CASZ1: variants seen among roughly 807,000 people sequenced by gnomAD.
CASZ1 encodes zinc finger protein castor homolog 1.
Under a neutral mutation model 135.2 loss-of-function variants are expected in CASZ1, and 28 were observed. The ratio of observed to expected loss-of-function variants is 0.21; its 90% CI spans 0.15 to 0.28. The LOEUF is 0.28. Ranked by LOEUF, CASZ1 falls within the 10% of genes least tolerant of loss-of-function variation. CASZ1 has a pLI of 1.00. For synonymous variants in CASZ1, 1,068 were observed against 1,073.4 expected (o/e 0.99, Z 0.10); for missense variants, 2,161 against 2,453.3 (o/e 0.88, Z 2.52).
At chr1:10,691,910 C>G (rs1207252237) in intron 4 of CASZ1, among the ~76,000 whole-genome samples, 1 of 152,236 alleles carries the variant, frequency 6.6e-6, no homozygotes, top group African/African-American at 2.4e-5. Flanking sequence ...CCACCCTGGG[C>G]CTCCCCTCTG....
rs961449106 is a variant in CASZ1, at chr1:10,697,124, A to G, written c.-23-3212T>C. On this transcript the variant is annotated intron_variant, in intron 3 of 20. Transcript: ENST00000377022. This position sits in a 1 kb window ranked among gnomAD's most constrained non-coding sequence, Gnocchi z 4.7. Reference sequence around the variant, plus strand: ...GTGGAGGAGCAGCGGTCAGAGAAGCAAGAAACAGGCCAACTCGGAGCGCAA... The same window carrying G: ...GTGGAGGAGCAGCGGTCAGAGAAGCGAGAAACAGGCCAACTCGGAGCGCAA... Among the ~76,000 whole-genome samples the G allele has an allele frequency of 6.6e-6, 1 of 152,224 alleles. No homozygotes were observed. Among genetic ancestry groups the G allele is most frequent in the African/African-American group, 2.4e-5 (1 of 41,464 alleles).
At chr1:10,675,486 A>G (rs1343094736) in intron 4 of CASZ1, among the ~76,000 whole-genome samples, 1 of 152,078 alleles carries the variant, frequency 6.6e-6, no homozygotes, top group Non-Finnish European at 1.5e-5. Flanking sequence ...GGAGGCTTCA[A>G]GAGGGGTGAG....
In CASZ1 at chr1:10,707,909, A is replaced by C. The variant is rs1229164044; in HGVS notation, c.-76-2365T>G. ...ACAGTACTGGGAAGACCCAGAGGAC[A>C]GCAGGGGCCCTACACTCAGCGGGGC... On this transcript the variant is annotated intron_variant, in intron 2 of 20. Coordinates refer to ENST00000377022, the MANE Select transcript of CASZ1 (RefSeq NM_001079843.3). The surrounding 1 kb of genome is among the most constrained non-coding windows in gnomAD (Gnocchi z 5.0). Among the ~76,000 whole-genome samples the C allele has an allele frequency of 1.3e-5, 2 of 152,166 alleles. No homozygotes were observed. The highest frequency in any genetic ancestry group is 2.9e-5 in the Non-Finnish European group (2 of 68,036).
chr1:10,713,556 AC>A (rs1391561262), intron 2 of CASZ1, among the ~76,000 whole-genome samples: 1 of 152,034 alleles, frequency 6.6e-6, no homozygotes, highest in Non-Finnish European at 1.5e-5. Flanking sequence ...TAGTCCTCTA[AC>A]CCCCTCTCTG....
At chr1:10,671,766 G>A (rs933644443) in intron 4 of CASZ1, among the ~76,000 whole-genome samples, 1 of 152,238 alleles carries the variant, frequency 6.6e-6, no homozygotes, top group Non-Finnish European at 1.5e-5. Context: ...CTATGCCCGA[G>A]GCTGGCACAC....
intron 2 of CASZ1, among the ~76,000 whole-genome samples, chr1:10,722,500 G>A (rs1005529735): frequency 1.5e-4 from 23 of 152,208 alleles, no homozygotes; most frequent in Non-Finnish European, 2.9e-5. Context: ...ATTCAAGCTC[G>A]AACATTCTGG....
chr1:10,692,830 G>C (rs1210176261), intron 4 of CASZ1, among the ~76,000 whole-genome samples: 1 of 152,148 alleles, frequency 6.6e-6, no homozygotes, highest in Non-Finnish European at 1.5e-5. Flanking sequence ...AAACAACAAC[G>C]CTAACAGCCA....
At chr1:10,772,633 C>T (rs1640595955) in intron 1 of CASZ1, among the ~76,000 whole-genome samples, 1 of 152,134 alleles carries the variant, frequency 6.6e-6, no homozygotes, top group Admixed American at 6.5e-5. Context: ...CCTGTGACCC[C>T]AGAAGCTCGG....
chr1:10,691,627 G>T (rs765415754), intron 4 of CASZ1, among the ~76,000 whole-genome samples: 4 of 152,196 alleles, frequency 2.6e-5, no homozygotes, highest in Non-Finnish European at 4.4e-5. Context: ...CACGAGCCCC[G>T]GCCAGAGACG....
rs1329009108 is a variant in CASZ1, at chr1:10,709,916, C to T, written c.-76-4372G>A. Among the ~76,000 whole-genome samples the T allele has an allele frequency of 1.3e-5, 2 of 152,156 alleles. No individual in the cohort carries two copies. The highest frequency in any genetic ancestry group is 4.8e-5 in the African/African-American group (2 of 41,436). The stretch of plus-strand genomic sequence containing the variant: ...AGAGGCCTCGGGAAAGGAGCCTGGG[C>T]CCCGGACCAGGGAGGGGCGGTGGGG... On this transcript the variant is annotated intron_variant, in intron 2 of 20. Coordinates refer to ENST00000377022, the MANE Select transcript of CASZ1 (RefSeq NM_001079843.3). This position sits in a 1 kb window ranked among gnomAD's most constrained non-coding sequence, Gnocchi z 5.1.
At chr1:10,743,413 A>G (rs1639966718) in intron 2 of CASZ1, among the ~76,000 whole-genome samples, 1 of 133,190 alleles carries the variant, frequency 7.5e-6, no homozygotes, top group Admixed American at 7.6e-5. Context: ...AGGGCTCAGA[A>G]TGAAGGAGAG....
intron 9 of CASZ1, among the ~76,000 whole-genome samples, chr1:10,654,813 C>G (rs978858553): frequency 6.6e-6 from 1 of 152,260 alleles, no homozygotes; most frequent in Non-Finnish European, 1.5e-5. Flanking sequence ...CTGCTGGAGC[C>G]TGGCTCCGTC....
intron 4 of CASZ1, among the ~76,000 whole-genome samples, chr1:10,690,828 G>A (rs995429666): frequency 6.6e-6 from 1 of 152,204 alleles, no homozygotes; most frequent in Admixed American, 6.5e-5. Context: ...AGATCCCCAC[G>A]AGTCAAGGGC....
chr1:10,779,267 C>T (rs1640717574), intron 1 of CASZ1, among the ~76,000 whole-genome samples: 1 of 142,102 alleles, frequency 7.0e-6, no homozygotes, highest in Non-Finnish European at 1.5e-5. Context: ...CAAACTATCT[C>T]ATAATTTTAT....
chr1:10,781,758 G>T (rs1426479225), intron 1 of CASZ1, among the ~76,000 whole-genome samples: 1 of 152,194 alleles, frequency 6.6e-6, no homozygotes. Flanking sequence ...ATCACCATGT[G>T]CCAGGAGCCC....
rs773999934 is a variant in CASZ1, at chr1:10,643,112, T to C, written c.4020+48A>G. On this transcript the variant is annotated intron_variant, in intron 19 of 20. Coordinates refer to ENST00000377022, the MANE Select transcript of CASZ1 (RefSeq NM_001079843.3). ...CCTGAGAGTGAGCGTGGGACCATGATGCGTTCCCGCCACCCTGGCTGGGCT... is the reference window on the plus strand; with the variant it reads ...CCTGAGAGTGAGCGTGGGACCATGACGCGTTCCCGCCACCCTGGCTGGGCT... 8 of 1,600,856 alleles carry C rather than the reference T, an allele frequency of 5.0e-6. No individual in the cohort carries two copies. The Admixed American group carries it at 1.2e-4, about 23-fold the overall frequency.
At position 10,665,178 on chromosome 1, in the gene CASZ1, T is replaced by C. The variant is rs1012600652; in HGVS notation, c.410A>G (p.Glu137Gly). ...GGCACCGCCGTCCTTGGAGGGCTCC[T>C]CCGCGTGGTCTTCCTCATCGCTGCA... The part of the protein sequence containing the change: ...QGCSDEEDHA[E>G]EPSKDGGALE... Residue 137 changes from glutamate to glycine, a missense_variant, in exon 5 of 21, where the codon GAG (glutamate) becomes GGG (glycine). Physicochemically the swap from Glu to Gly is moderately conservative, Grantham distance 98. This residue lies in a region of CASZ1 where 590 missense variants were observed against 609.8 expected (regional missense o/e 0.97). Transcript: ENST00000377022. 5 of 1,566,448 alleles carry C rather than the reference T, an allele frequency of 3.2e-6. No homozygotes were observed. The Admixed American group carries it at 7.2e-5, about 23-fold the overall frequency.
Position 10,705,870 on chromosome 1 carries a change from G to A in CASZ1, c.-76-326C>T, listed in dbSNP as rs141635062. ...TGCACACTGCTCCGTGGAGGAGGCCGGGAGTGGGGGTGCTGGTGAAGTGGC... is the reference window on the plus strand; with the variant it reads ...TGCACACTGCTCCGTGGAGGAGGCCAGGAGTGGGGGTGCTGGTGAAGTGGC... On this transcript the variant is annotated intron_variant, in intron 2 of 20. Transcript: ENST00000377022. 5.5e-3 allele frequency among the ~76,000 whole-genome samples: 832 copies of A among 152,378 alleles called. 11 individuals are homozygous for A. The highest frequency in any genetic ancestry group is 0.019 in the African/African-American group (784 of 41,586).
chr1:10,794,970 C>G lies in CASZ1; in HGVS notation c.-234+1594G>C, dbSNP rs1034703265. On this transcript the variant is annotated intron_variant, in intron 1 of 20. Transcript: ENST00000377022. This position sits in a 1 kb window ranked among gnomAD's most constrained non-coding sequence, Gnocchi z 5.6. Reference sequence around the variant, plus strand: ...TCGCCACCCCGGCGGCCGCCCCCTCCCCTTCCAGACCCGGCTGCCCGGCCC... The same window carrying G: ...TCGCCACCCCGGCGGCCGCCCCCTCGCCTTCCAGACCCGGCTGCCCGGCCC... Among the ~76,000 whole-genome samples, 20 of 151,792 alleles carry G rather than the reference C, an allele frequency of 1.3e-4. No homozygotes were observed. Among genetic ancestry groups the G allele is most frequent in the African/African-American group, 4.8e-4 (20 of 41,408 alleles).
Sources: gnomAD v4.1 joint callset for allele counts (sites outside exome capture counted in the v4.1 genomes callset) on GRCh38, gnomAD v4.1.1 for gene constraint, gnomAD v4.1.1 regional missense constraint, Gnocchi (gnomAD v3.1) non-coding constraint, MANE v1.5 for transcripts, NCBI Gene and HGNC (gene_info 2026-07-23, HGNC 2026-07-21) for gene names.